Variants in LDLRAD3 observed in about 807,000 individuals in gnomAD.
LDLRAD3 encodes low density lipoprotein receptor class A domain containing 3.
Under a neutral mutation model 29.4 loss-of-function variants are expected in LDLRAD3, and 20 were observed. The observed-to-expected ratio is 0.68, with a 90% confidence interval of 0.48 to 0.99. The LOEUF (loss-of-function observed/expected upper bound fraction) is 0.99, where lower values mean the gene tolerates loss of function less well. Among genes scored for constraint, LDLRAD3 ranks in the 50% least tolerant of loss-of-function variants. The probability of loss-of-function intolerance (pLI) is 0.00; values close to 1 mark genes in which losing one functional copy is unlikely to be tolerated. For missense variants in LDLRAD3, 420 were observed against 454.3 expected (o/e 0.92, Z 0.69); for synonymous variants, 157 against 192.7 (o/e 0.81, Z 1.53).
chr11:36,216,906 G>A (rs1216980064), intron 4 of LDLRAD3, among the ~76,000 whole-genome samples: 1 of 152,202 alleles, frequency 6.6e-6, no homozygotes, highest in Non-Finnish European at 1.5e-5. Context: ...AGGATAAATG[G>A]GACAGAGGAG....
chr11:36,179,708 T>C (rs1248611741), intron 4 of LDLRAD3, among the ~76,000 whole-genome samples: 6 of 151,780 alleles, frequency 4.0e-5, no homozygotes, highest in African/African-American at 1.2e-4. Context: ...AAACAACGGA[T>C]GTAGCTGAGC....
intron 3 of LDLRAD3, among the ~76,000 whole-genome samples, chr11:36,085,774 G>A (rs1853186983): frequency 6.6e-6 from 1 of 151,588 alleles, no homozygotes; most frequent in Non-Finnish European, 1.5e-5. Context: ...ACCATGCCTG[G>A]CTAATTTTTT....
At chr11:36,045,234 C>G (rs751286799) in intron 2 of LDLRAD3, among the ~76,000 whole-genome samples, 1 of 152,172 alleles carries the variant, frequency 6.6e-6, no homozygotes, top group Non-Finnish European at 1.5e-5. Flanking sequence ...ACTTAACATG[C>G]GTTTGACTGT....
At chr11:36,023,080 A>G (rs1242816979) in intron 1 of LDLRAD3, among the ~76,000 whole-genome samples, 1 of 152,232 alleles carries the variant, frequency 6.6e-6, no homozygotes, top group African/African-American at 2.4e-5. Context: ...GGGATGGACC[A>G]GTTTAATGGA....
intron 2 of LDLRAD3, among the ~76,000 whole-genome samples, chr11:36,048,110 T>G (rs1381832134): frequency 6.6e-6 from 1 of 151,958 alleles, no homozygotes; most frequent in African/African-American, 2.4e-5. Flanking sequence ...TTGGCGAGAG[T>G]TTTTGATCCA....
At chr11:36,004,660 C>T (rs543802090) in intron 1 of LDLRAD3, among the ~76,000 whole-genome samples, 1 of 152,358 alleles carries the variant, frequency 6.6e-6, no homozygotes, top group South Asian at 2.1e-4. Flanking sequence ...TATAGGGGCT[C>T]CAACCCCACA....
chr11:36,168,477 T>A (rs1278125536), intron 4 of LDLRAD3, among the ~76,000 whole-genome samples: 1 of 149,340 alleles, frequency 6.7e-6, no homozygotes, highest in African/African-American at 2.4e-5. Context: ...TAAATGATTT[T>A]ATTCCGTTTT....
intron 1 of LDLRAD3, among the ~76,000 whole-genome samples, chr11:35,998,239 T>A (rs1177934259): frequency 6.6e-6 from 1 of 152,200 alleles, no homozygotes; most frequent in East Asian, 1.9e-4. Flanking sequence ...GCTTTCAATA[T>A]GTGTTTGTTT....
At chr11:36,215,763 T>C (rs1855344333) in intron 4 of LDLRAD3, among the ~76,000 whole-genome samples, 3 of 152,190 alleles carry the variant, frequency 2.0e-5, no homozygotes, top group Non-Finnish European at 4.4e-5. Context: ...CTTACAGTGA[T>C]TCTGTATCAG....
At chr11:36,064,500 T>G in intron 2 of LDLRAD3, among the ~76,000 whole-genome samples, 1 of 126,576 alleles carries the variant, frequency 7.9e-6, no homozygotes, top group South Asian at 2.6e-4. Context: ...TTTTTTTTTT[T>G]GTAGAGATGG....
At position 36,227,219 on chromosome 11, in the gene LDLRAD3, C is replaced by T. The variant is rs963672509; in HGVS notation, c.589C>T (p.Gln197Ter). The T allele has an allele frequency of 6.2e-7, 1 of 1,614,116 alleles. No individual in the cohort carries two copies. The highest frequency in any genetic ancestry group is 8.5e-7 in the Non-Finnish European group (1 of 1,180,048). ...VALLALVLHHQRKRNNLMTLP... is the reference protein window; with the variant it reads ...VALLALVLHH ...CCTGCTGGCACTGGTCTTGCACCACCAGCGGAAGCGGAACAACCTCATGAC... is the reference window on the plus strand; with the variant it reads ...CCTGCTGGCACTGGTCTTGCACCACTAGCGGAAGCGGAACAACCTCATGAC... The change falls in exon 5 of 6, where the codon CAG becomes TAG. Residue 197 changes from glutamine to a stop codon, truncating the protein, a stop_gained. Transcript: ENST00000315571. LOFTEE classifies it high-confidence loss of function.
chr11:36,223,787 A>G (rs1855461733), intron 4 of LDLRAD3, among the ~76,000 whole-genome samples: 1 of 152,072 alleles, frequency 6.6e-6, no homozygotes, highest in Admixed American at 6.6e-5. Context: ...AATGGAACTC[A>G]GTCTGTTCAT....
At chr11:35,950,186 C>T (rs748673843) in intron 1 of LDLRAD3, among the ~76,000 whole-genome samples, 7 of 151,662 alleles carry the variant, frequency 4.6e-5, no homozygotes, top group South Asian at 2.1e-4. Flanking sequence ...AGTGTAATCT[C>T]GGAGGCATTT....
chr11:35,947,207 C>A (rs1426685098), intron 1 of LDLRAD3, among the ~76,000 whole-genome samples: 1 of 152,184 alleles, frequency 6.6e-6, no homozygotes. Context: ...CAAGTAATTT[C>A]ATGTTAAAGA....
intron 1 of LDLRAD3, among the ~76,000 whole-genome samples, chr11:35,978,322 C>A (rs1450192005): frequency 6.6e-6 from 1 of 152,250 alleles, no homozygotes; most frequent in East Asian, 1.9e-4. Context: ...CTCACACTCA[C>A]TCGAGGTGTG....
chr11:36,091,599 C>A (rs1345781873), intron 3 of LDLRAD3, among the ~76,000 whole-genome samples: 1 of 152,076 alleles, frequency 6.6e-6, no homozygotes, highest in Non-Finnish European at 1.5e-5. Flanking sequence ...AACCAAGGAG[C>A]TTTTGAGCCT....
chr11:35,982,176 G>A (rs1453811566), intron 1 of LDLRAD3, among the ~76,000 whole-genome samples: 4 of 152,192 alleles, frequency 2.6e-5, no homozygotes, highest in Admixed American at 2.0e-4. Flanking sequence ...ACATCAAAGT[G>A]TCTGCAGGGT....
intron 4 of LDLRAD3, among the ~76,000 whole-genome samples, chr11:36,106,538 C>T (rs964198516): frequency 1.3e-5 from 2 of 152,188 alleles, no homozygotes; most frequent in East Asian, 3.8e-4. Context: ...CAAATAAAAC[C>T]TCAGAGGTGG....
chr11:36,090,032 T>C (rs1182552199), intron 3 of LDLRAD3, among the ~76,000 whole-genome samples: 1 of 152,168 alleles, frequency 6.6e-6, no homozygotes, highest in African/African-American at 2.4e-5. Flanking sequence ...GTCCTCACTT[T>C]ATAGATGAGG....
Sources: allele counts gnomAD v4.1 joint callset (sites outside exome capture counted in the v4.1 genomes callset), GRCh38; gene constraint gnomAD v4.1.1; transcripts MANE v1.5; gene names NCBI Gene and HGNC (gene_info 2026-07-23, HGNC 2026-07-21).